Variants in SPATA45 observed in about 807,000 individuals in gnomAD.
SPATA45 encodes the protein spermatogenesis associated 45, also known as spermatogenesis-associated protein 45.
SPATA45 carries 5 observed loss-of-function variants against 7.0 expected under a neutral mutation model. That is an observed-to-expected ratio of 0.71 (90% CI 0.37 to 1.50). The LOEUF (loss-of-function observed/expected upper bound fraction) is 1.50, where lower values mean the gene tolerates loss of function less well. SPATA45 is among the 40% of genes most tolerant of loss of function. SPATA45 has a pLI of 0.03. For synonymous variants in SPATA45, 40 were observed against 38.7 expected (o/e 1.03, Z -0.13); for missense variants, 111 against 114.9 (o/e 0.97, Z 0.16).
At chr1:212,834,489 C>A (rs1184158446) in intron 2 of SPATA45, among the ~76,000 whole-genome samples, 1 of 150,462 alleles carries the variant, frequency 6.6e-6, no homozygotes, top group East Asian at 1.9e-4. Context: ...CTCACTCTGT[C>A]GCCCAGGCTG....
chr1:212,840,147 C>T (rs1419173362), intron 1 of SPATA45, among the ~76,000 whole-genome samples: 1 of 151,462 alleles, frequency 6.6e-6, no homozygotes, highest in Non-Finnish European at 1.5e-5. Context: ...GGCGCAGTGG[C>T]TCATGCCTGT....
chr1:212,844,832 G>A (rs75252271), intron 1 of SPATA45, among the ~76,000 whole-genome samples: 27,185 of 152,136 alleles, frequency 0.18, 3,570 homozygotes, highest in East Asian at 0.45. Context: ...CTCTTCTCAA[G>A]GCCACTTTAC....
chr1:212,844,639 T>C (rs1558098948), intron 1 of SPATA45, among the ~76,000 whole-genome samples: 1 of 152,130 alleles, frequency 6.6e-6, no homozygotes, highest in Non-Finnish European at 1.5e-5. Flanking sequence ...CTCCACTATG[T>C]CTCAGTAAGC....
rs1046199357 is a variant in SPATA45 at position 212,836,306 on chromosome 1, A to G, written c.-38-119T>C. 5 of 731,514 alleles carry G rather than the reference A, an allele frequency of 6.8e-6. 1 individual carries two copies. The highest frequency in any genetic ancestry group is 6.6e-6 in the Non-Finnish European group (3 of 451,510). The allele number at this position is 731,514 out of a possible 1,614,324, so 45.3% of individuals were successfully genotyped here. On this transcript the variant is annotated intron_variant, in intron 1 of 2. Transcript: ENST00000332912. ...TAAAATAACACCACAACCACCACCA[A>G]GCCTCCCACCCCACGCTTCACTTTT...
intron 1 of SPATA45, among the ~76,000 whole-genome samples, chr1:212,842,844 G>GCGGA: frequency 6.6e-6 from 1 of 150,808 alleles, no homozygotes; most frequent in East Asian, 2.0e-4. Context: ...ATCCCAGCAT[G>GCGGA]TTGGGAGGCC....
intron 1 of SPATA45, among the ~76,000 whole-genome samples, chr1:212,842,007 C>T (rs570609765): frequency 2.0e-5 from 3 of 151,992 alleles, no homozygotes; most frequent in Non-Finnish European, 2.9e-5. Context: ...GTGATCTGCC[C>T]GCCTTGGCCT....
intron 2 of SPATA45, among the ~76,000 whole-genome samples, chr1:212,832,200 C>T (rs1397572479): frequency 6.7e-6 from 1 of 149,520 alleles, no homozygotes; most frequent in Non-Finnish European, 1.5e-5. Context: ...TGTGGGGTTT[C>T]ACCATGTTGG....
intron 1 of SPATA45, 95 bp downstream of exon 1, chr1:212,847,485 G>A (rs1466783037): frequency 1.3e-5 from 2 of 152,120 alleles, no homozygotes; most frequent in African/African-American, 4.8e-5. Flanking sequence ...TTTAATGTTT[G>A]TGGCAACTTT....
chr1:212,846,185 A>T (rs1663790294), intron 1 of SPATA45, among the ~76,000 whole-genome samples: 1 of 152,076 alleles, frequency 6.6e-6, no homozygotes, highest in African/African-American at 2.4e-5. Context: ...CAAGCCCATA[A>T]TATCACCCCT....
intron 1 of SPATA45, among the ~76,000 whole-genome samples, chr1:212,838,806 A>C (rs934993970): frequency 6.6e-6 from 1 of 151,514 alleles, no homozygotes; most frequent in African/African-American, 2.4e-5. Context: ...GGCTCAAGCC[A>C]TCTTCCCACC....
At chr1:212,832,304 G>A (rs571413409) in intron 2 of SPATA45, among the ~76,000 whole-genome samples, 3 of 144,852 alleles carry the variant, frequency 2.1e-5, no homozygotes, top group African/African-American at 7.6e-5. Context: ...GTGCCCGGCT[G>A]AAATGTACTA....
intron 1 of SPATA45, among the ~76,000 whole-genome samples, chr1:212,838,066 C>G (rs759563291): frequency 6.6e-6 from 1 of 151,370 alleles, no homozygotes; most frequent in Non-Finnish European, 1.5e-5. Context: ...TTTGGGAGGC[C>G]GAGGTGTATG....
chr1:212,831,054 G>A (rs986211487), intron 2 of SPATA45, among the ~76,000 whole-genome samples: 13 of 150,732 alleles, frequency 8.6e-5, no homozygotes, highest in South Asian at 2.1e-4. Context: ...CAGGAGAATC[G>A]CTTGAACCCC....
chr1:212,837,405 G>A (rs1291307779), intron 1 of SPATA45, among the ~76,000 whole-genome samples: 16 of 151,432 alleles, frequency 1.1e-4, no homozygotes, highest in South Asian at 2.1e-4. Context: ...AGGCCAAGGC[G>A]GGCAGATCAC....
At chr1:212,836,301 C>CGAG in intron 1 of SPATA45, 114 bp from the exon 2 acceptor site, 1 of 763,484 alleles carries the variant, frequency 1.3e-6, no homozygotes, top group South Asian at 1.8e-5. Context: ...CCACAACCAC[C>CGAG]ACCAAGCCTC....
Position 212,843,100 on chromosome 1 carries a change from TACACACACACACACACACAC to T in SPATA45, c.-39+4460_-39+4479del, listed in dbSNP as rs367648433. 3.3e-5 allele frequency among the ~76,000 whole-genome samples: 4 copies of T among 121,930 alleles called. 1 individual carries two copies. The highest frequency in any genetic ancestry group is 2.6e-4 in the Admixed American group (3 of 11,624). 80.0% of individuals were successfully genotyped at this position (121,930 alleles called of 152,430 possible). A position where few individuals can be genotyped will look rare whatever the true frequency, so the allele number is the denominator to read the frequency against. On this transcript the variant is annotated intron_variant, in intron 1 of 2. Transcript: ENST00000332912. ...CAACAGAGCAAGACTCCGTCAAACA[TACACACACACACACACACAC>T]ACACACACACACACACACACTTAGC... is the stretch of plus-strand genomic sequence containing the variant.
At chr1:212,844,964 C>A (rs950406738) in intron 1 of SPATA45, among the ~76,000 whole-genome samples, 3 of 152,008 alleles carry the variant, frequency 2.0e-5, no homozygotes, top group African/African-American at 7.2e-5. Flanking sequence ...CAACTTCTGT[C>A]CCTCATGGCC....
rs1025176108 is a variant in SPATA45, at chr1:212,846,545, T to C, written c.-39+1035A>G. On this transcript the variant is annotated intron_variant, in intron 1 of 2. Transcript: ENST00000332912. ...TGTTCCTGCCCCACCCTAACTGATA[T>C]GATATATTCTCCCCTGCCCTTAAGA... Among the ~76,000 whole-genome samples the C allele has an allele frequency of 2.0e-5, 3 of 152,148 alleles. No homozygotes were observed. In the East Asian group the frequency reaches 5.8e-4, roughly 29 times the overall value.
At chr1:212,844,743 C>T (rs1425789871) in intron 1 of SPATA45, among the ~76,000 whole-genome samples, 1 of 152,144 alleles carries the variant, frequency 6.6e-6, no homozygotes, top group East Asian at 1.9e-4. Flanking sequence ...TATCCTGCAC[C>T]ACCATGCTGT....
Sources: gnomAD v4.1 joint callset for allele counts (sites outside exome capture counted in the v4.1 genomes callset) on GRCh38, gnomAD v4.1.1 for gene constraint, MANE v1.5 for transcripts, NCBI Gene and HGNC (gene_info 2026-07-23, HGNC 2026-07-21) for gene names.